ARHGAP44: variants seen among roughly 807,000 people sequenced by gnomAD.
ARHGAP44 encodes the protein Rho GTPase activating protein 44.
ARHGAP44 carries 43 observed loss-of-function variants against 106.8 expected under a neutral mutation model. The observed-to-expected ratio is 0.40, with a 90% confidence interval of 0.32 to 0.52. ARHGAP44 has a LOEUF of 0.52. Ranked by LOEUF, ARHGAP44 falls within the 20% of genes least tolerant of loss-of-function variation. ARHGAP44 has a pLI of 0.48. For synonymous variants in ARHGAP44, 439 were observed against 410.3 expected (o/e 1.07, Z -0.85); for missense variants, 866 against 1,050.5 (o/e 0.82, Z 2.43).
intron 1 of ARHGAP44, among the ~76,000 whole-genome samples, chr17:12,841,639 C>CACACACAAAAAAAA (rs1555546108): frequency 6.6e-5 from 9 of 137,392 alleles, no homozygotes; most frequent in Admixed American, 2.1e-4. Context: ...CACACACACA[C>CACACACAAAAAAAA]AAACAAACAA....
chr17:12,984,315 T>C (rs2039902160), intron 19 of ARHGAP44, among the ~76,000 whole-genome samples: 1 of 151,462 alleles, frequency 6.6e-6, no homozygotes, highest in Admixed American at 6.6e-5. Context: ...GATGGGAAGA[T>C]AGGAAAACTT....
chr17:12,972,726 G>A (rs976016066), intron 16 of ARHGAP44, among the ~76,000 whole-genome samples: 1 of 150,778 alleles, frequency 6.6e-6, no homozygotes, highest in African/African-American at 2.4e-5. Flanking sequence ...CACCGTCGCA[G>A]TCTCGGCTCA....
chr17:12,953,543 C>A (rs913432195), intron 13 of ARHGAP44, among the ~76,000 whole-genome samples: 4 of 152,186 alleles, frequency 2.6e-5, no homozygotes, highest in Non-Finnish European at 5.9e-5. Context: ...CTAAAAGAAT[C>A]GAAAGCAGGG....
At chr17:12,975,174 G>A (rs569354239) in intron 18 of ARHGAP44, among the ~76,000 whole-genome samples, 5 of 152,146 alleles carry the variant, frequency 3.3e-5, no homozygotes, top group Middle Eastern at 3.4e-3. Flanking sequence ...TGAACTGTAC[G>A]CACCTATTTG....
chr17:12,863,552 C>G (rs927686403), intron 1 of ARHGAP44, among the ~76,000 whole-genome samples: 1 of 152,008 alleles, frequency 6.6e-6, no homozygotes, highest in African/African-American at 2.4e-5. Context: ...GTGGATAGTT[C>G]TAGAATCTTT....
chr17:12,882,382 T>C (rs1200188140), intron 1 of ARHGAP44, among the ~76,000 whole-genome samples: 1 of 152,168 alleles, frequency 6.6e-6, no homozygotes, highest in Non-Finnish European at 1.5e-5. Flanking sequence ...ATTATCTTTG[T>C]GAACAAACAT....
intron 6 of ARHGAP44, among the ~76,000 whole-genome samples, chr17:12,920,903 CT>C (rs1187214846): frequency 2.0e-5 from 3 of 152,208 alleles, no homozygotes; most frequent in African/African-American, 7.2e-5. Flanking sequence ...TTGCCTGTGG[CT>C]GTCAGAGCAG....
chr17:12,914,152 T>C (rs1214879702), intron 4 of ARHGAP44, among the ~76,000 whole-genome samples: 1 of 152,088 alleles, frequency 6.6e-6, no homozygotes, highest in East Asian at 1.9e-4. Context: ...CCAAGGAATA[T>C]GAACAGGCAC....
At chr17:12,917,638 T>C (rs1269841983) in intron 5 of ARHGAP44, among the ~76,000 whole-genome samples, 1 of 151,974 alleles carries the variant, frequency 6.6e-6, no homozygotes, top group Non-Finnish European at 1.5e-5. Flanking sequence ...CCCGGAAAAA[T>C]ACGTCACTAG....
At chr17:12,989,832 G>A (rs1006706783) in intron 20 of ARHGAP44, among the ~76,000 whole-genome samples, 200 bp from the exon 21 acceptor site, 1 of 152,116 alleles carries the variant, frequency 6.6e-6, no homozygotes, top group Non-Finnish European at 1.5e-5. Context: ...TTGGTTCTAC[G>A]AACTTATGGG....
intron 1 of ARHGAP44, among the ~76,000 whole-genome samples, chr17:12,795,063 T>C (rs1156483730): frequency 6.6e-6 from 1 of 152,206 alleles, no homozygotes; most frequent in Non-Finnish European, 1.5e-5. Context: ...TCTATTTCCC[T>C]TACTGTGAGT....
Position 12,844,252 on chromosome 17 carries a change from G to A in ARHGAP44, c.54-50688G>A, listed in dbSNP as rs1000545920. Among the ~76,000 whole-genome samples, 7 of 152,222 alleles carry A rather than the reference G, an allele frequency of 4.6e-5. 1 individual carries two copies. The Middle Eastern group carries it at 0.014, about 296-fold the overall frequency. ...TAAAGAACAGATGATTATTTGGCTCGTGTTTCTGGAGGCTGGCAAGTCTGA... is the reference window on the plus strand; with the variant it reads ...TAAAGAACAGATGATTATTTGGCTCATGTTTCTGGAGGCTGGCAAGTCTGA... On this transcript the variant is annotated intron_variant, in intron 1 of 20. Transcript: ENST00000379672.
chr17:12,829,245 A>G (rs1297109564), intron 1 of ARHGAP44, among the ~76,000 whole-genome samples: 3 of 151,708 alleles, frequency 2.0e-5, no homozygotes, highest in African/African-American at 4.8e-5. Flanking sequence ...CGTCATTCCT[A>G]TTTCTATTTC....
intron 17 of ARHGAP44, chr17:12,973,708 C>G: frequency 6.2e-6 from 3 of 481,028 alleles, no homozygotes; most frequent in South Asian, 2.9e-5. Flanking sequence ...TGTCCCTGCC[C>G]CCCCAGTTAG....
chr17:12,868,638 G>T (rs1196094106), intron 1 of ARHGAP44, among the ~76,000 whole-genome samples: 1 of 112,256 alleles, frequency 8.9e-6, no homozygotes, highest in Non-Finnish European at 1.9e-5. Context: ...TATATGAAAT[G>T]TGTATATATT....
chr17:12,950,664 G>T (rs934022441), intron 12 of ARHGAP44, among the ~76,000 whole-genome samples: 3 of 152,134 alleles, frequency 2.0e-5, no homozygotes, highest in African/African-American at 7.2e-5. Flanking sequence ...CAACAGCAGG[G>T]TGGGAGAATT....
intron 18 of ARHGAP44, among the ~76,000 whole-genome samples, chr17:12,977,422 C>G (rs1359453728): frequency 1.3e-5 from 2 of 152,090 alleles, no homozygotes; most frequent in Non-Finnish European, 2.9e-5. Context: ...GACTGGTTCC[C>G]ACCTTCCCAC....
At chr17:12,955,225 A>G (rs1450394431) in intron 13 of ARHGAP44, among the ~76,000 whole-genome samples, 1 of 152,206 alleles carries the variant, frequency 6.6e-6, no homozygotes, top group Non-Finnish European at 1.5e-5. Flanking sequence ...ATTTCATTAT[A>G]TGGACATACC....
At chr17:12,793,429 C>T (rs1023019182) in intron 1 of ARHGAP44, among the ~76,000 whole-genome samples, 6 of 152,102 alleles carry the variant, frequency 3.9e-5, no homozygotes, top group Admixed American at 6.5e-5. Flanking sequence ...CATTCTAGGC[C>T]GGGCGTGGTG....
Sources: allele counts gnomAD v4.1 joint callset (sites outside exome capture counted in the v4.1 genomes callset), GRCh38; gene constraint gnomAD v4.1.1; transcripts MANE v1.5; gene names NCBI Gene and HGNC (gene_info 2026-07-23, HGNC 2026-07-21).